PNPLA7: variants seen among roughly 807,000 people sequenced by gnomAD.
PNPLA7 encodes patatin-like phospholipase domain-containing protein 7.
A neutral mutation model predicts 161.7 loss-of-function variants in PNPLA7; 153 were observed. That is an observed-to-expected ratio of 0.95 (90% confidence interval 0.83 to 1.08). PNPLA7 has a LOEUF of 1.08. Among genes scored for constraint, PNPLA7 ranks in the 50% least tolerant of loss-of-function variants. The pLI is 0.00. For missense variants in PNPLA7, 1,739 were observed against 1,856.6 expected, an observed-to-expected ratio of 0.94 and a Z score of 1.16; for synonymous variants, 809 against 782.1, an observed-to-expected ratio of 1.03 and a Z score of -0.57.
At position 137,520,095 on chromosome 9, in the gene PNPLA7, CTGACAGGTGTGGGCTCCTCAAAGGTG is replaced by C. The variant is rs1295132763; in HGVS notation, c.958-78_958-53del. Reference sequence around the variant, plus strand: ...CCACCCCAGGAACACCCCACACCCACTGACAGGTGTGGGCTCCTCAAAGGTGTGACAGGTGTGGGCTCCTCAAAGGT... The same window carrying C: ...CCACCCCAGGAACACCCCACACCCACTGACAGGTGTGGGCTCCTCAAAGGT... On this transcript the variant is annotated intron_variant, in intron 10 of 34. Transcript: ENST00000406427. This position sits in a 1 kb window ranked among gnomAD's most constrained non-coding sequence, Gnocchi z 5.2. 3.2e-5 allele frequency: 52 copies of C among 1,602,974 alleles called. No homozygotes were observed. In the African/African-American group the frequency reaches 3.5e-4, roughly 11 times the overall value.
intron 14 of PNPLA7, among the ~76,000 whole-genome samples, chr9:137,503,829 A>ATGAAGG (rs1588625130): frequency 5.7e-4 from 1 of 1,748 alleles, no homozygotes; most frequent in East Asian, 0.015. Context: ...AAGGAAGAAG[A>ATGAAGG]AAGAAGCAAG....
At position 137,540,679 on chromosome 9, in the gene PNPLA7, C is replaced by A. The variant is rs375942062; in HGVS notation, c.710G>T (p.Ser237Ile). The change falls in exon 8 of 35, where the codon AGC becomes ATC. Residue 237 changes from serine (S) to isoleucine (I), a missense_variant. Coordinates refer to ENST00000406427, the MANE Select transcript of PNPLA7 (RefSeq NM_001098537.3). The surrounding 1 kb of genome is among the most constrained non-coding windows in gnomAD (Gnocchi z 5.1). ...CAGGATGCTGAGCAGGCTGTGGACG[C>A]TGTCTCCCGCCAGAACCTCTTTCAC... ...VVVKEVLAGD[S>I]VHSLLSILDI... 24 of 1,611,982 alleles carry A rather than the reference C, an allele frequency of 1.5e-5. No homozygotes were observed. The African/African-American group carries it at 3.2e-4, about 22-fold the overall frequency.
intron 30 of PNPLA7, 136 bp from the exon 31 acceptor site, chr9:137,462,467 G>T (rs542777162): frequency 2.1e-6 from 3 of 1,431,864 alleles, no homozygotes; most frequent in Non-Finnish European, 2.8e-6. Context: ...AGCAGCACCC[G>T]GCCGGGGGTC....
intron 11 of PNPLA7, among the ~76,000 whole-genome samples, chr9:137,519,022 A>C (rs1229924859): frequency 1.6e-4 from 15 of 94,228 alleles, no homozygotes; most frequent in African/African-American, 1.7e-4. Context: ...TCCATCCCCC[A>C]CTCACTCCCT....
At chr9:137,502,948 G>A (rs565206855) in intron 14 of PNPLA7, among the ~76,000 whole-genome samples, 13 of 152,012 alleles carry the variant, frequency 8.6e-5, no homozygotes, top group South Asian at 2.1e-4. Flanking sequence ...GCACCCGAAC[G>A]GTACGGAAGG....
intron 8 of PNPLA7, among the ~76,000 whole-genome samples, chr9:137,535,033 T>C (rs2132578220): frequency 6.6e-6 from 1 of 152,332 alleles, no homozygotes; most frequent in Middle Eastern, 3.4e-3. Context: ...CCACATTGAG[T>C]AGCTGCAAGA....
intron 7 of PNPLA7, among the ~76,000 whole-genome samples, chr9:137,542,376 C>T (rs1010995482): frequency 5.9e-5 from 9 of 152,116 alleles, no homozygotes; most frequent in Non-Finnish European, 4.4e-5. Context: ...GAGGCTGAGG[C>T]GGGAGGATCG....
chr9:137,500,519 C>T lies in PNPLA7; in HGVS notation c.1757+172G>A, dbSNP rs886824916. Among the ~76,000 whole-genome samples the T allele has an allele frequency of 4.6e-5, 7 of 152,096 alleles. No individual in the cohort carries two copies. The highest frequency in any genetic ancestry group is 3.9e-4 in the East Asian group (2 of 5,168). ...GGGCAGGTGGGGTCGGCTGACTGAG[C>T]GCTGGAGCAGGGGGCACAGACCTGG... On this transcript the variant is annotated intron_variant, in intron 16 of 34. Transcript: ENST00000406427. The surrounding 1 kb of genome is among the most constrained non-coding windows in gnomAD (Gnocchi z 5.5).
At chr9:137,498,655 G>T (rs919202631) in intron 16 of PNPLA7, among the ~76,000 whole-genome samples, 2 of 152,212 alleles carry the variant, frequency 1.3e-5, no homozygotes, top group African/African-American at 4.8e-5. Flanking sequence ...AGAGACCCAT[G>T]GGGCCTGGAT....
chr9:137,544,368 C>T (rs1040588145), intron 4 of PNPLA7, among the ~76,000 whole-genome samples: 6 of 152,254 alleles, frequency 3.9e-5, no homozygotes, highest in Non-Finnish European at 8.8e-5. Context: ...GCCCCTCGGT[C>T]CAGAGCTGTC....
intron 11 of PNPLA7, 49 bp from the exon 12 acceptor site, chr9:137,515,568 T>C (rs1834491188): frequency 6.7e-7 from 1 of 1,483,432 alleles, no homozygotes; most frequent in Admixed American, 2.4e-5. Flanking sequence ...CACTCCCTGG[T>C]GTCTGGTGCA....
At position 137,501,679 on chromosome 9, in the gene PNPLA7, C is replaced by G. The variant is rs371518901; in HGVS notation, c.1522G>C (p.Gly508Arg). 1.2e-6 allele frequency: 2 copies of G among 1,612,650 alleles called. No individual in the cohort carries two copies. Among genetic ancestry groups the G allele is most frequent in the African/African-American group, 2.7e-5 (2 of 75,042 alleles). Residue 508 changes from glycine (G) to arginine (R), a missense_variant, in exon 15 of 35, where the codon GGC becomes CGC. Gly to Arg is a moderately radical substitution (Grantham distance 125). Around this residue, in one of 6 missense-constraint regions of PNPLA7, gnomAD observed 481 missense variants for 450.0 expected, o/e 1.07. Coordinates refer to ENST00000406427, the MANE Select transcript of PNPLA7 (RefSeq NM_001098537.3). ...TCTCCCTGCCTTGACACCACCGTGCCTGCAGGAACGTGCAGAAGCGCCACC... is the reference window on the plus strand; with the variant it reads ...TCTCCCTGCCTTGACACCACCGTGCGTGCAGGAACGTGCAGAAGCGCCACC... Reference protein sequence around the residue: ...GRVALLHVPAGTVVSRQGDQD... With the variant: ...GRVALLHVPARTVVSRQGDQD...
intron 14 of PNPLA7, among the ~76,000 whole-genome samples, chr9:137,503,315 A>C (rs774428238): frequency 4.6e-5 from 7 of 152,006 alleles, no homozygotes; most frequent in Non-Finnish European, 7.4e-5. Context: ...CAGGAAGTGG[A>C]GGTTGCAGTG....
At chr9:137,482,699 C>T (rs994481137) in intron 21 of PNPLA7, among the ~76,000 whole-genome samples, 9 of 152,354 alleles carry the variant, frequency 5.9e-5, no homozygotes, top group African/African-American at 1.2e-4. Flanking sequence ...AGGGCACGGA[C>T]GGGCTGCTGG....
intron 4 of PNPLA7, among the ~76,000 whole-genome samples, chr9:137,546,137 T>C (rs566892260): frequency 6.6e-6 from 1 of 152,268 alleles, no homozygotes; most frequent in Non-Finnish European, 1.5e-5. Context: ...AGTCAATTAG[T>C]GAAAGTACTA....
intron 11 of PNPLA7, 40 bp from the exon 12 acceptor site, chr9:137,515,559 A>G: frequency 2.7e-6 from 4 of 1,494,298 alleles, no homozygotes; most frequent in Non-Finnish European, 3.6e-6. Flanking sequence ...GTTTGCACGC[A>G]CTCCCTGGTG....
intron 12 of PNPLA7, among the ~76,000 whole-genome samples, 158 bp from the exon 13 acceptor site, chr9:137,506,241 C>T (rs929585145): frequency 1.3e-5 from 2 of 152,218 alleles, no homozygotes; most frequent in African/African-American, 4.8e-5. Context: ...TGCTTTCTTT[C>T]GGCATCTGCC....
At chr9:137,510,812 G>C (rs1295683477) in intron 12 of PNPLA7, among the ~76,000 whole-genome samples, 2 of 152,224 alleles carry the variant, frequency 1.3e-5, no homozygotes, top group Non-Finnish European at 2.9e-5. Context: ...GCCCCCGTGT[G>C]GGCGGAAAGT....
Position 137,540,640 on chromosome 9 carries a change from A to C in PNPLA7, c.747+2T>G, listed in dbSNP as rs1836145624. 6.2e-7 allele frequency: 1 copy of C among 1,609,652 alleles called. No homozygotes were observed. Reference sequence around the variant, plus strand: ...CGGAGGGCCAGGCAGCGGGGGACTCACGGTGATGATGTCCAGGATGCTGAG... The same window carrying C: ...CGGAGGGCCAGGCAGCGGGGGACTCCCGGTGATGATGTCCAGGATGCTGAG... On this transcript the variant is annotated splice_donor_variant, in intron 8 of 34. Transcript: ENST00000406427. LOFTEE classifies it high-confidence loss of function. This position sits in a 1 kb window ranked among gnomAD's most constrained non-coding sequence, Gnocchi z 5.1.
Sources: allele counts gnomAD v4.1 joint callset (sites outside exome capture counted in the v4.1 genomes callset), GRCh38; gene constraint gnomAD v4.1.1; regional missense constraint gnomAD v4.1.1; non-coding constraint Gnocchi (gnomAD v3.1); transcripts MANE v1.5; gene names NCBI Gene and HGNC (gene_info 2026-07-23, HGNC 2026-07-21).